The following GPC3 variants were observed in gnomAD, a reference collection of about 807,000 sequenced individuals.
The protein encoded by GPC3 is glypican-3.
GPC3 carries 3 observed loss-of-function variants against 34.4 expected under a neutral mutation model. That is an observed-to-expected ratio of 0.09 (90% CI 0.04 to 0.23). The LOEUF (loss-of-function observed/expected upper bound fraction) is 0.23, where lower values mean the gene tolerates loss of function less well. GPC3 is among the 10% of genes least tolerant of loss of function. The pLI is 1.00. For synonymous variants in GPC3, 177 were observed against 174.0 expected (o/e 1.02, Z -0.13); for missense variants, 351 against 445.6 (o/e 0.79, Z 1.91).
At chrX:133,841,109 C>T (rs1409390079) in intron 2 of GPC3, among the ~76,000 whole-genome samples, 1 of 108,561 alleles carries the variant, frequency 9.2e-6, no homozygotes, top group Non-Finnish European at 1.9e-5. Context: ...GCCTGGAGTG[C>T]AGTGGCTCAC....
At chrX:133,775,443 C>A (rs1165576977) in intron 2 of GPC3, among the ~76,000 whole-genome samples, 1 of 111,455 alleles carries the variant, frequency 9.0e-6, no homozygotes, top group African/African-American at 3.3e-5. Context: ...CATGTCTCAG[C>A]GATACATTCA....
intron 1 of GPC3, among the ~76,000 whole-genome samples, chrX:133,975,454 G>T (rs775827720): frequency 9.0e-6 from 1 of 110,662 alleles, no homozygotes; most frequent in African/African-American, 3.3e-5. Flanking sequence ...TTGAGACAGG[G>T]TCTCTCTCTG....
Position 133,801,625 on chromosome X carries a change from A to G in GPC3, c.338-47449T>C, listed in dbSNP as rs764568504. The stretch of plus-strand genomic sequence containing the variant: ...CAAATGCCAATCTTTGGTAAATTCA[A>G]TGCAATCTATGTCATCTCTTGAAGG... On this transcript the variant is annotated intron_variant, in intron 2 of 7. Transcript: ENST00000370818. Among the ~76,000 whole-genome samples the G allele has an allele frequency of 2.5e-4, 28 of 112,490 alleles. 1 individual carries two copies. Among genetic ancestry groups the G allele is most frequent in the Admixed American group, 1.9e-3 (20 of 10,621 alleles).
At chrX:133,822,899 C>A (rs961779984) in intron 2 of GPC3, among the ~76,000 whole-genome samples, 2 of 109,455 alleles carry the variant, frequency 1.8e-5, no homozygotes, top group Admixed American at 2.0e-4. Flanking sequence ...GAGGCTGAGG[C>A]AGGCGGATCA....
At chrX:133,893,857 TG>T (rs2076099696) in intron 2 of GPC3, among the ~76,000 whole-genome samples, 1 of 111,780 alleles carries the variant, frequency 8.9e-6, no homozygotes, top group South Asian at 3.7e-4. Flanking sequence ...TGTTTTGCTT[TG>T]TTTTGTTTTT....
intron 2 of GPC3, among the ~76,000 whole-genome samples, chrX:133,845,677 C>T (rs895012367): frequency 8.9e-6 from 1 of 111,866 alleles, no homozygotes; most frequent in Non-Finnish European, 1.9e-5. Context: ...AGAAACAGCA[C>T]ATTAAGTAAA....
intron 4 of GPC3, among the ~76,000 whole-genome samples, chrX:133,693,194 TGTGTGTGA>T (rs1235492589): frequency 0.014 from 1,441 of 103,721 alleles, 28 homozygotes; most frequent in African/African-American, 0.05. Context: ...TGTGTGTGTG[TGTGTGTGA>T]GACAGAGAGA....
intron 2 of GPC3, among the ~76,000 whole-genome samples, chrX:133,896,537 G>A (rs910107545): frequency 1.3e-4 from 15 of 111,184 alleles, no homozygotes; most frequent in African/African-American, 4.9e-4. Flanking sequence ...TGGTATCTTC[G>A]GAAAGTAGGT....
intron 7 of GPC3, among the ~76,000 whole-genome samples, chrX:133,576,307 G>A (rs930776058): frequency 4.5e-5 from 5 of 111,019 alleles, no homozygotes; most frequent in African/African-American, 9.8e-5. Flanking sequence ...GCAGTGCTGC[G>A]ATATTGGCTC....
At chrX:133,804,654 T>C (rs1176188505) in intron 2 of GPC3, among the ~76,000 whole-genome samples, 1 of 111,610 alleles carries the variant, frequency 9.0e-6, no homozygotes, top group Non-Finnish European at 1.9e-5. Flanking sequence ...TCAAGATCCC[T>C]TGCATTTCCA....
At chrX:133,579,893 G>A (rs781250441) in intron 7 of GPC3, among the ~76,000 whole-genome samples, 2 of 112,505 alleles carry the variant, frequency 1.8e-5, no homozygotes, top group Admixed American at 9.4e-5. Context: ...AGGTCAGCAT[G>A]TGCAGAATAT....
intron 6 of GPC3, among the ~76,000 whole-genome samples, chrX:133,637,653 A>AT (rs1384456589): frequency 9.0e-6 from 1 of 110,671 alleles, no homozygotes; most frequent in Non-Finnish European, 1.9e-5. Context: ...TTAAAATAAA[A>AT]TTTTTTTAGA....
intron 2 of GPC3, among the ~76,000 whole-genome samples, chrX:133,848,488 C>A (rs1330342331): frequency 8.9e-6 from 1 of 112,093 alleles, no homozygotes; most frequent in Non-Finnish European, 1.9e-5. Flanking sequence ...CAAACAAAAG[C>A]AGCATTGAAG....
intron 3 of GPC3, among the ~76,000 whole-genome samples, chrX:133,725,417 T>C (rs888346457): frequency 2.7e-5 from 3 of 112,444 alleles, no homozygotes; most frequent in Admixed American, 9.4e-5. Context: ...CATGTGGGTA[T>C]TGCCTGAACA....
chrX:133,651,523 G>A (rs1018057574), intron 6 of GPC3, among the ~76,000 whole-genome samples: 1 of 111,648 alleles, frequency 9.0e-6, no homozygotes, highest in African/African-American at 3.3e-5. Context: ...GAATCTACAT[G>A]TAATACTTCA....
At chrX:133,949,475 C>A (rs2076383172) in intron 2 of GPC3, among the ~76,000 whole-genome samples, 2 of 111,668 alleles carry the variant, frequency 1.8e-5, no homozygotes, top group African/African-American at 6.5e-5. Context: ...AGCAAGGACT[C>A]AAAAACCTTT....
chrX:133,878,871 G>A (rs897878640), intron 2 of GPC3, among the ~76,000 whole-genome samples: 3 of 111,823 alleles, frequency 2.7e-5, no homozygotes, highest in Non-Finnish European at 3.8e-5. Flanking sequence ...AAATGAGGAC[G>A]CAGCACATGT....
At chrX:133,620,667 G>C (rs773048782) in intron 6 of GPC3, among the ~76,000 whole-genome samples, 56 of 111,183 alleles carry the variant, frequency 5.0e-4, no homozygotes, top group African/African-American at 1.8e-3. Context: ...ATTACTGATA[G>C]AGCAGACTCT....
At chrX:133,558,543 T>C (rs775763882) in intron 7 of GPC3, among the ~76,000 whole-genome samples, 1 of 111,140 alleles carries the variant, frequency 9.0e-6, no homozygotes, top group South Asian at 3.8e-4. Context: ...CGTATCAAAT[T>C]CTGGATGCTG....
Sources: gnomAD v4.1 joint callset for allele counts (sites outside exome capture counted in the v4.1 genomes callset) on GRCh38, gnomAD v4.1.1 for gene constraint, MANE v1.5 for transcripts, NCBI Gene and HGNC (gene_info 2026-07-23, HGNC 2026-07-21) for gene names.